The following IFT140 variants were observed in gnomAD, a reference collection of about 807,000 sequenced individuals.
The protein encoded by IFT140 is intraflagellar transport 140.
Under a neutral mutation model 164.6 loss-of-function variants are expected in IFT140, and 133 were observed. The ratio of observed to expected loss-of-function variants is 0.81; its 90% CI spans 0.70 to 0.93. The LOEUF is 0.93. Among genes scored for constraint, IFT140 ranks in the 40% least tolerant of loss-of-function variants. IFT140 has a pLI of 0.00. For missense variants in IFT140, 2,045 were observed against 1,972.3 expected (o/e 1.04, Z -0.70); for synonymous variants, 860 against 817.3 (o/e 1.05, Z -0.89).
At chr16:1,576,348 T>C (rs1254190170) in intron 13 of IFT140, among the ~76,000 whole-genome samples, 1 of 151,104 alleles carries the variant, frequency 6.6e-6, no homozygotes, top group Admixed American at 6.6e-5. Context: ...TCCTAGCACT[T>C]TGGGAGGCCG....
intron 13 of IFT140, among the ~76,000 whole-genome samples, chr16:1,579,679 C>A (rs558053068): frequency 9.9e-5 from 15 of 152,094 alleles, no homozygotes; most frequent in African/African-American, 2.9e-4. Flanking sequence ...CAGAAGGGAA[C>A]CTCCTGGCCA....
At chr16:1,549,683 CG>C (rs1567357636) in intron 19 of IFT140, among the ~76,000 whole-genome samples, 3 of 152,102 alleles carry the variant, frequency 2.0e-5, no homozygotes, top group Non-Finnish European at 2.9e-5. Flanking sequence ...CCACCTGCCT[CG>C]GCCTCCCAAA....
intron 4 of IFT140, among the ~76,000 whole-genome samples, chr16:1,600,149 T>C (rs1329414294): frequency 6.9e-6 from 1 of 144,870 alleles, no homozygotes; most frequent in Non-Finnish European, 1.5e-5. Flanking sequence ...ATCTGTGACC[T>C]TACCCCCAAC....
At position 1,567,886 on chromosome 16, in the gene IFT140, T is replaced by C. The variant is rs11864601; in HGVS notation, c.1770+331A>G. Reference sequence around the variant, plus strand: ...TCCTCGCGTGCCAAAGAAAACTGAGTGGGATGAAGAAGGCAGGGATGAAGA... The same window carrying C: ...TCCTCGCGTGCCAAAGAAAACTGAGCGGGATGAAGAAGGCAGGGATGAAGA... On this transcript the variant is annotated intron_variant, in intron 15 of 30. Transcript: ENST00000426508. 2.2e-3 allele frequency among the ~76,000 whole-genome samples: 336 copies of C among 151,732 alleles called. 1 individual carries two copies. The highest frequency in any genetic ancestry group is 7.9e-3 in the African/African-American group (326 of 41,336).
Position 1,518,181 on chromosome 16 carries a change from CGGG to C in IFT140, c.4182+32_4182+34del, listed in dbSNP as rs781315418. 9 of 1,575,272 alleles carry C rather than the reference CGGG, an allele frequency of 5.7e-6. No homozygotes were observed. In the African/African-American group the frequency reaches 1.2e-4, roughly 21 times the overall value. On this transcript the variant is annotated intron_variant, in intron 30 of 30. Transcript: ENST00000426508. Reference sequence around the variant, plus strand: ...CCTTCGTTTCAGGAGCCTTGTGTGGCGGGATGCTGCTAGTGAGCAGCACTCAGG... The same window carrying C: ...CCTTCGTTTCAGGAGCCTTGTGTGGCATGCTGCTAGTGAGCAGCACTCAGG...
intron 19 of IFT140, chr16:1,555,660 C>G (rs1049876319): frequency 6.6e-6 from 1 of 152,552 alleles, no homozygotes; most frequent in African/African-American, 2.4e-5. Context: ...GGGGCTCACA[C>G]TAAGGGTCAA....
chr16:1,528,788 G>C (rs1183625929), intron 19 of IFT140: 1 of 152,618 alleles, frequency 6.6e-6, no homozygotes, highest in Middle Eastern at 3.3e-3. Context: ...CCCCGAGCCC[G>C]TGGTCCCGGT....
intron 19 of IFT140, chr16:1,554,248 G>T: frequency 1.6e-6 from 1 of 612,382 alleles, no homozygotes; most frequent in Non-Finnish European, 2.4e-6. Flanking sequence ...CAAGAAAACT[G>T]TCAGAAGCAT....
At chr16:1,590,012 C>G (rs942841182) in intron 6 of IFT140, among the ~76,000 whole-genome samples, 1 of 151,984 alleles carries the variant, frequency 6.6e-6, no homozygotes, top group African/African-American at 2.4e-5. Flanking sequence ...GCCTGGCCAA[C>G]GTAGTGAAAT....
Position 1,541,348 on chromosome 16 carries a change from G to A in IFT140, c.2400-14552C>T. 4.1e-6 allele frequency: 4 copies of A among 985,424 alleles called. No individual in the cohort carries two copies. The East Asian group carries it at 4.5e-4, about 112-fold the overall frequency. The allele number at this position is 985,424 out of a possible 1,614,324, so 61.0% of individuals were successfully genotyped here. On this transcript the variant is annotated intron_variant, in intron 19 of 30. Transcript: ENST00000426508. ...CCCTGCTCAGCCCCTTGCTGGTTAT[G>A]AGGGGCCCAGATGAGCTGCTTCTCC...
At chr16:1,563,069 C>A (rs955208936) in intron 17 of IFT140, among the ~76,000 whole-genome samples, 1 of 152,000 alleles carries the variant, frequency 6.6e-6, no homozygotes. Context: ...GGAGACGGCC[C>A]TACCTCCCTG....
In IFT140 at chr16:1,540,947, C is replaced by T. The variant is rs960386822; in HGVS notation, c.2400-14151G>A. The T allele has an allele frequency of 1.5e-5, 15 of 985,318 alleles. No homozygotes were observed. The African/African-American group carries it at 2.3e-4, about 15-fold the overall frequency. 61.0% of individuals were successfully genotyped at this position (985,318 alleles called of 1,614,324 possible). A position where few individuals can be genotyped will look rare whatever the true frequency, so the allele number is the denominator to read the frequency against. Reference sequence around the variant, plus strand: ...CACACATTGTCTGCTCTGCAGCGTGCAGGGGCCTGGGAACACACTGCTTCA... The same window carrying T: ...CACACATTGTCTGCTCTGCAGCGTGTAGGGGCCTGGGAACACACTGCTTCA... On this transcript the variant is annotated intron_variant, in intron 19 of 30. Coordinates refer to ENST00000426508, the MANE Select transcript of IFT140 (RefSeq NM_014714.4).
At chr16:1,568,650 G>A (rs1369336014) in intron 14 of IFT140, among the ~76,000 whole-genome samples, 4 of 152,114 alleles carry the variant, frequency 2.6e-5, no homozygotes, top group Non-Finnish European at 4.4e-5. Flanking sequence ...GGGAGGGTGA[G>A]GCAGGCAGAT....
intron 6 of IFT140, 91 bp downstream of exon 6, chr16:1,592,085 C>G (rs761373146): frequency 6.8e-5 from 95 of 1,391,022 alleles, no homozygotes; most frequent in Non-Finnish European, 9.3e-5. Flanking sequence ...CGTTACTGTT[C>G]TATGCAGAAA....
intron 22 of IFT140, 96 bp downstream of exon 22, chr16:1,525,135 G>A (rs1162088646): frequency 8.2e-7 from 1 of 1,221,788 alleles, no homozygotes; most frequent in Non-Finnish European, 1.2e-6. Flanking sequence ...ACTCGTGCAG[G>A]AAGCACGGGA....
intron 19 of IFT140, among the ~76,000 whole-genome samples, chr16:1,537,923 G>T (rs1000084062): frequency 2.0e-5 from 3 of 152,210 alleles, no homozygotes; most frequent in Non-Finnish European, 4.4e-5. Flanking sequence ...AATACAGGTG[G>T]AGGACAGAGC....
rs758052767 is a variant in IFT140 at position 1,587,270 on chromosome 16, G to T, written c.937C>A (p.Leu313Met). 5.6e-6 allele frequency: 9 copies of T among 1,612,164 alleles called. No individual in the cohort carries two copies. The highest frequency in any genetic ancestry group is 2.7e-5 in the African/African-American group (2 of 74,892). ...WDIERGENYI[L>M]SPDEKFGFEK... is the part of the protein sequence containing the mutation. ...AAGCCAAACTTCTCATCTGGACTCA[G>T]TATATAATTCTCTCCTCGTTCTATG... The change falls in exon 9 of 31, where the codon CTG (leucine) becomes ATG (methionine). Residue 313 changes from leucine to methionine, a missense_variant. Physicochemically the swap from Leu to Met is conservative, Grantham distance 15. Coordinates refer to ENST00000426508, the MANE Select transcript of IFT140 (RefSeq NM_014714.4).
intron 30 of IFT140, among the ~76,000 whole-genome samples, chr16:1,512,203 TG>T (rs1312190598): frequency 2.7e-4 from 1 of 3,742 alleles, no homozygotes; most frequent in African/African-American, 1.1e-3. Context: ...CATAGGTGGG[TG>T]GGGGGCAGGA....
rs1451390808 is a variant in IFT140, at chr16:1,586,249, C to T, written c.1036G>A (p.Gly346Arg). Residue 346 changes from glycine (G) to arginine (R), a missense_variant, in exon 10 of 31, where the codon GGG (glycine) becomes AGG (arginine). Transcript: ENST00000426508. ...KGLLAAGTDR[G>R]RVAMWRKVPD... ...ACTTTCCTCCACATGGCTACTCGCC[C>T]TCTGTCGGTACCAGCGGCCAGAAGA... 6 of 1,613,678 alleles carry T rather than the reference C, an allele frequency of 3.7e-6. No homozygotes were observed. The highest frequency in any genetic ancestry group is 1.3e-5 in the African/African-American group (1 of 74,856).
Sources: allele counts gnomAD v4.1 joint callset (sites outside exome capture counted in the v4.1 genomes callset), GRCh38; gene constraint gnomAD v4.1.1; transcripts MANE v1.5; gene names NCBI Gene and HGNC (gene_info 2026-07-23, HGNC 2026-07-21).